Variants in CEP350 observed in about 807,000 individuals in gnomAD.
CEP350 encodes the protein centrosome-associated protein 350.
A neutral mutation model predicts 331.8 loss-of-function variants in CEP350; 126 were observed. That is an observed-to-expected ratio of 0.38 (90% CI 0.33 to 0.44). The LOEUF (loss-of-function observed/expected upper bound fraction) is 0.44, where lower values mean the gene tolerates loss of function less well. Among genes scored for constraint, CEP350 ranks in the 20% least tolerant of loss-of-function variants. The pLI, the probability that CEP350 is intolerant of heterozygous loss-of-function variation, is 1.00. For missense variants in CEP350, 3,406 were observed against 3,634.6 expected, an observed-to-expected ratio of 0.94 and a Z score of 1.62; for synonymous variants, 1,200 against 1,259.5, an observed-to-expected ratio of 0.95 and a Z score of 1.00.
chr1:180,030,946 A>G (rs1054846527), intron 14 of CEP350, among the ~76,000 whole-genome samples: 3 of 152,134 alleles, frequency 2.0e-5, no homozygotes, highest in Admixed American at 6.5e-5. Flanking sequence ...ATGTAGTTCA[A>G]TTAGCAGTTG....
At chr1:180,098,130 C>G (rs750030675) in intron 36 of CEP350, among the ~76,000 whole-genome samples, 5 of 152,114 alleles carry the variant, frequency 3.3e-5, no homozygotes, top group Non-Finnish European at 7.4e-5. Flanking sequence ...GCTACCTCAC[C>G]CAGCTAATTT....
chr1:180,083,982 C>T (rs1659713489), intron 30 of CEP350, 36 bp from the exon 31 acceptor site: 8 of 1,213,698 alleles, frequency 6.6e-6, no homozygotes, highest in Non-Finnish European at 9.0e-6. Context: ...ATTCTTAAGT[C>T]AAAATTATAA....
rs896779279 is a variant in CEP350, at chr1:180,006,333, G to A, written c.1133-121G>A. 6.4e-6 allele frequency: 4 copies of A among 624,992 alleles called. No individual in the cohort carries two copies. In the East Asian group the frequency reaches 1.1e-4, roughly 17 times the overall value. 38.7% of individuals were successfully genotyped at this position (624,992 alleles called of 1,614,324 possible). A position where few individuals can be genotyped will look rare whatever the true frequency, so the allele number is the denominator to read the frequency against. On this transcript the variant is annotated intron_variant, in intron 7 of 37. Transcript: ENST00000367607. ...TATGTGGGCCATAGAAGTAGCCTCAGTGTAGGTTTCTTTCTCCCTACCTGC... is the reference window on the plus strand; with the variant it reads ...TATGTGGGCCATAGAAGTAGCCTCAATGTAGGTTTCTTTCTCCCTACCTGC...
chr1:180,039,122 GCGTGGT>G, intron 17 of CEP350, among the ~76,000 whole-genome samples: 1 of 150,672 alleles, frequency 6.6e-6, no homozygotes, highest in African/African-American at 2.4e-5. Flanking sequence ...GGCGGGTTGG[GCGTGGT>G]GGGGGGGTGG....
At chr1:180,062,680 A>G (rs980141223) in intron 26 of CEP350, among the ~76,000 whole-genome samples, 1 of 152,236 alleles carries the variant, frequency 6.6e-6, no homozygotes, top group Admixed American at 6.5e-5. Flanking sequence ...GCGGTGATGC[A>G]GGGCATCACA....
intron 8 of CEP350, among the ~76,000 whole-genome samples, chr1:180,008,155 C>T (rs2148779538): frequency 6.6e-6 from 1 of 152,236 alleles, no homozygotes; most frequent in East Asian, 1.9e-4. Flanking sequence ...AAATGTTGCA[C>T]ATCAGAACTA....
intron 27 of CEP350, among the ~76,000 whole-genome samples, chr1:180,066,885 G>T (rs753983741): frequency 2.6e-5 from 4 of 152,146 alleles, no homozygotes; most frequent in Non-Finnish European, 5.9e-5. Flanking sequence ...TGACATTGTA[G>T]ATCTGCTACA....
chr1:179,998,635 CA>C (rs1473514139), intron 6 of CEP350, among the ~76,000 whole-genome samples: 1 of 151,956 alleles, frequency 6.6e-6, no homozygotes, highest in Non-Finnish European at 1.5e-5. Context: ...AAGTAACTAA[CA>C]ATCTAGGGCA....
chr1:179,988,296 C>CAAA (rs532507277), intron 3 of CEP350, among the ~76,000 whole-genome samples: 41 of 86,700 alleles, frequency 4.7e-4, no homozygotes, highest in African/African-American at 1.7e-3. Flanking sequence ...GATCCTGTCT[C>CAAA]AAAAAAAAAA....
chr1:180,050,682 A>C (rs978953679), intron 22 of CEP350, among the ~76,000 whole-genome samples: 18 of 151,674 alleles, frequency 1.2e-4, no homozygotes, highest in African/African-American at 3.4e-4. Context: ...CCAAAAAAAA[A>C]AAAAAAAACA....
chr1:180,020,166 C>T lies in CEP350; in HGVS notation c.2392C>T (p.Pro798Ser). 6.2e-7 allele frequency: 1 copy of T among 1,613,998 alleles called. No individual in the cohort carries two copies. The highest frequency in any genetic ancestry group is 8.5e-7 in the Non-Finnish European group (1 of 1,179,868). The change falls in exon 12 of 38, where the codon CCA (proline) becomes TCA (serine). Residue 798 changes from proline to serine, a missense_variant. Transcript: ENST00000367607. Reference sequence around the variant, plus strand: ...AAGGCCATTAACTTTTACACCTCAACCATATGTGACCTCACCAGCTGCTTA... The same window carrying T: ...AAGGCCATTAACTTTTACACCTCAATCATATGTGACCTCACCAGCTGCTTA... ...ASRPLTFTPQ[P>S]YVTSPAAYTD... is the part of the protein sequence containing the mutation.
In CEP350 at chr1:180,093,915, A is replaced by G. The variant is rs755975372; in HGVS notation, c.7810A>G (p.Arg2604Gly). 13 of 1,613,764 alleles carry G rather than the reference A, an allele frequency of 8.1e-6. No individual in the cohort carries two copies. In the Admixed American group the frequency reaches 2.0e-4, roughly 25 times the overall value. The change falls in exon 34 of 38, where the codon AGA becomes GGA. Residue 2604 changes from arginine to glycine, a missense_variant. This residue lies in a region of CEP350 where 1,415 missense variants were observed against 1,512.3 expected (regional missense o/e 0.94). Transcript: ENST00000367607. ...AAATGATACAGAGGGTCCAAAAGAC[A>G]GAGAAAAGGATGTCAGTGAATATTT... is the stretch of plus-strand genomic sequence containing the variant. ...EQNDTEGPKD[R>G]EKDVSEYFYE...
chr1:180,041,577 A>G, intron 18 of CEP350, 85 bp from the exon 19 acceptor site: 1 of 1,301,148 alleles, frequency 7.7e-7, no homozygotes, highest in Admixed American at 2.7e-5. Flanking sequence ...TGAATAAGAC[A>G]TGAAATAAAT....
intron 37 of CEP350, among the ~76,000 whole-genome samples, chr1:180,099,248 G>A (rs572702877): frequency 4.2e-4 from 64 of 152,280 alleles, no homozygotes; most frequent in African/African-American, 1.4e-3. Flanking sequence ...TTAAGGTAGT[G>A]AATTGAAAAG....
chr1:180,027,923 T>C (rs1655784609), intron 14 of CEP350, among the ~76,000 whole-genome samples: 1 of 152,172 alleles, frequency 6.6e-6, no homozygotes, highest in Non-Finnish European at 1.5e-5. Context: ...TTCAGAAAGT[T>C]AGTGCCAGTT....
intron 1 of CEP350, among the ~76,000 whole-genome samples, chr1:179,972,701 T>C (rs1485519410): frequency 6.6e-6 from 1 of 151,540 alleles, no homozygotes; most frequent in East Asian, 1.9e-4. Context: ...TGGTCAATTG[T>C]AATGAAGCTG....
At position 180,011,981 on chromosome 1, in the gene CEP350, A is replaced by G; in HGVS notation, c.1299A>G (p.Val433=). ...CTTGGCGAGATGGACAAAAATTAGT[A>G]AAGAAGATTCTGGGACCTGCTCCCA... ...TSSWRDGQKL[V]KKILGPAPRM... is the part of the protein sequence containing the mutation. Residue 433 remains valine, a synonymous_variant, in exon 9 of 38, where the codon GTA becomes GTG. Coordinates refer to ENST00000367607, the MANE Select transcript of CEP350 (RefSeq NM_014810.5). 6.3e-7 allele frequency: 1 copy of G among 1,598,510 alleles called. No homozygotes were observed. The highest frequency in any genetic ancestry group is 8.5e-7 in the Non-Finnish European group (1 of 1,171,416).
At chr1:179,991,655 GTATATA>G (rs199720658) in intron 4 of CEP350, among the ~76,000 whole-genome samples, 71 of 115,550 alleles carry the variant, frequency 6.1e-4, no homozygotes, top group African/African-American at 2.1e-3. Context: ...ACTGTGATAT[GTATATA>G]TATATATGTG....
chr1:180,015,563 G>T (rs1159873646), intron 10 of CEP350, among the ~76,000 whole-genome samples: 1 of 152,082 alleles, frequency 6.6e-6, no homozygotes, highest in East Asian at 1.9e-4. Flanking sequence ...TAGAGACAGG[G>T]TCGCACTGTG....
Sources: allele counts gnomAD v4.1 joint callset (sites outside exome capture counted in the v4.1 genomes callset), GRCh38; gene constraint gnomAD v4.1.1; regional missense constraint gnomAD v4.1.1; transcripts MANE v1.5; gene names NCBI Gene and HGNC (gene_info 2026-07-23, HGNC 2026-07-21).